Variants in AKAP6 observed in about 807,000 individuals in gnomAD.
AKAP6 encodes the protein A-kinase anchor protein 6.
AKAP6 carries 58 observed loss-of-function variants against 188.5 expected under a neutral mutation model. That is an observed-to-expected ratio of 0.31 (90% CI 0.25 to 0.38). The LOEUF is 0.38. AKAP6 is among the 10% of genes least tolerant of loss of function. The probability of loss-of-function intolerance (pLI) is 1.00; values close to 1 mark genes in which losing one functional copy is unlikely to be tolerated. For missense variants in AKAP6, 2,710 were observed against 2,740.0 expected (o/e 0.99, Z 0.24); for synonymous variants, 989 against 998.6 (o/e 0.99, Z 0.18).
chr14:32,386,093 A>G (rs1888529476), intron 1 of AKAP6, among the ~76,000 whole-genome samples: 1 of 151,650 alleles, frequency 6.6e-6, no homozygotes, highest in African/African-American at 2.4e-5. Flanking sequence ...TTTTCATATA[A>G]AGACTTCTTT....
chr14:32,377,504 C>T (rs557447973), intron 1 of AKAP6, among the ~76,000 whole-genome samples: 4 of 151,850 alleles, frequency 2.6e-5, no homozygotes, highest in South Asian at 2.1e-4. Context: ...CATATATGTA[C>T]GTGCATGAGA....
intron 8 of AKAP6, among the ~76,000 whole-genome samples, chr14:32,683,320 T>A (rs1889776178): frequency 6.6e-6 from 1 of 151,982 alleles, no homozygotes; most frequent in Non-Finnish European, 1.5e-5. Context: ...AATGCTGAAG[T>A]TTGAGAAGCA....
intron 12 of AKAP6, among the ~76,000 whole-genome samples, chr14:32,782,954 A>G (rs1168970603): frequency 6.6e-6 from 1 of 152,132 alleles, no homozygotes; most frequent in African/African-American, 2.4e-5. Context: ...ACCCAAAGCA[A>G]CTTTGAGAAA....
chr14:32,357,838 G>T (rs535473893), intron 1 of AKAP6, among the ~76,000 whole-genome samples: 2 of 152,172 alleles, frequency 1.3e-5, no homozygotes, highest in African/African-American at 4.8e-5. Context: ...TAGTAGTGGC[G>T]CCCGTGTGTA....
intron 4 of AKAP6, among the ~76,000 whole-genome samples, chr14:32,570,274 G>T (rs1884418345): frequency 6.6e-6 from 1 of 151,008 alleles, no homozygotes. Context: ...GGGATTATAG[G>T]CACATGCCAC....
intron 4 of AKAP6, among the ~76,000 whole-genome samples, chr14:32,569,431 C>T (rs1031881727): frequency 5.9e-5 from 9 of 152,140 alleles, no homozygotes; most frequent in African/African-American, 2.2e-4. Flanking sequence ...ATTACTCGTA[C>T]TGTGTTGGAT....
intron 2 of AKAP6, among the ~76,000 whole-genome samples, chr14:32,518,280 G>A (rs1457301021): frequency 2.6e-5 from 4 of 152,160 alleles, no homozygotes; most frequent in East Asian, 1.9e-4. Context: ...AAAAATCAGA[G>A]CACCTCTTTT....
intron 5 of AKAP6, among the ~76,000 whole-genome samples, chr14:32,579,894 T>A (rs1241577904): frequency 6.6e-6 from 1 of 152,120 alleles, no homozygotes; most frequent in Admixed American, 6.5e-5. Context: ...TGCAAGATTA[T>A]CCAGTAGTAG....
At chr14:32,716,914 G>A (rs1001802676) in intron 9 of AKAP6, among the ~76,000 whole-genome samples, 1 of 151,956 alleles carries the variant, frequency 6.6e-6, no homozygotes, top group Non-Finnish European at 1.5e-5. Flanking sequence ...TCTTATTAAT[G>A]GTGTATTTTA....
At position 32,424,516 on chromosome 14, in the gene AKAP6, T is replaced by G. The variant is rs185631064; in HGVS notation, c.-34-8944T>G. The stretch of plus-strand genomic sequence containing the variant: ...GTTTTGTTTATTTTTAACTTTTATT[T>G]TAAGTTCAGGGGTACAAGTGCAGGT... On this transcript the variant is annotated intron_variant, in intron 1 of 13. Coordinates refer to ENST00000280979, the MANE Select transcript of AKAP6 (RefSeq NM_004274.5). Among the ~76,000 whole-genome samples the G allele has an allele frequency of 5.9e-5, 9 of 152,280 alleles. No homozygotes were observed. The East Asian group carries it at 1.7e-3, about 29-fold the overall frequency.
At chr14:32,666,612 T>A (rs1888948355) in intron 7 of AKAP6, among the ~76,000 whole-genome samples, 2 of 152,108 alleles carry the variant, frequency 1.3e-5, no homozygotes, top group Non-Finnish European at 2.9e-5. Context: ...TCCAGGGGTA[T>A]ATCATTCTTG....
chr14:32,484,522 T>C lies in AKAP6; in HGVS notation c.324+50705T>C, dbSNP rs796722371. On this transcript the variant is annotated intron_variant, in intron 2 of 13. Coordinates refer to ENST00000280979, the MANE Select transcript of AKAP6 (RefSeq NM_004274.5). ...AGCTTATGTTGTTTATGCGGGGGAATGCCATATCGGGGGCACCGATTTTTA... is the reference window on the plus strand; with the variant it reads ...AGCTTATGTTGTTTATGCGGGGGAACGCCATATCGGGGGCACCGATTTTTA... 3 of 200,650 alleles carry C rather than the reference T, an allele frequency of 1.5e-5. 1 individual carries two copies. Among genetic ancestry groups the C allele is most frequent in the Non-Finnish European group, 2.2e-5 (3 of 138,834 alleles). 12.4% of individuals were successfully genotyped at this position (200,650 alleles called of 1,614,324 possible). A position where few individuals can be genotyped will look rare whatever the true frequency, so the allele number is the denominator to read the frequency against.
chr14:32,346,055 A>G (rs937141781), intron 1 of AKAP6, among the ~76,000 whole-genome samples: 10 of 152,220 alleles, frequency 6.6e-5, no homozygotes, highest in African/African-American at 1.7e-4. Flanking sequence ...TAATATTTTC[A>G]TCACACCCCA....
In AKAP6 at chr14:32,829,870, G is replaced by A. The variant is rs748448827; in HGVS notation, c.*65G>A. On this transcript the variant is annotated 3_prime_UTR_variant, in exon 14 of 14. Coordinates refer to ENST00000280979, the MANE Select transcript of AKAP6 (RefSeq NM_004274.5). ...TAGATACGCCTGGCTGCAACTCAGG[G>A]GTGGCCTCATCCTCCCGCCCTGGGC... The A allele has an allele frequency of 2.8e-5, 20 of 702,102 alleles. No individual in the cohort carries two copies. The South Asian group carries it at 3.0e-4, about 10-fold the overall frequency. The allele number at this position is 702,102 out of a possible 1,614,324, so 43.5% of individuals were successfully genotyped here. A position where few individuals can be genotyped will look rare whatever the true frequency, so the allele number is the denominator to read the frequency against.
At chr14:32,396,187 G>A (rs1888872520) in intron 1 of AKAP6, among the ~76,000 whole-genome samples, 1 of 152,142 alleles carries the variant, frequency 6.6e-6, no homozygotes, top group African/African-American at 2.4e-5. Context: ...ACTTACTTGA[G>A]TTTGCTTGTG....
chr14:32,639,841 A>T (rs2139485787), intron 7 of AKAP6, among the ~76,000 whole-genome samples: 1 of 152,208 alleles, frequency 6.6e-6, no homozygotes, highest in African/African-American at 2.4e-5. Flanking sequence ...AGTGATTATG[A>T]AACTGGAGAA....
chr14:32,353,716 C>A (rs1887376928), intron 1 of AKAP6, among the ~76,000 whole-genome samples: 2 of 152,164 alleles, frequency 1.3e-5, no homozygotes, highest in South Asian at 4.1e-4. Context: ...ACCCCATCAT[C>A]TCAGCCCAAA....
At chr14:32,478,986 A>C (rs1294111134) in intron 2 of AKAP6, among the ~76,000 whole-genome samples, 1 of 152,102 alleles carries the variant, frequency 6.6e-6, no homozygotes, top group Non-Finnish European at 1.5e-5. Flanking sequence ...AGGAGATGAG[A>C]ATTTGACATG....
chr14:32,718,248 T>A (rs1217856994), intron 9 of AKAP6: 1 of 982,980 alleles, frequency 1.0e-6, no homozygotes, highest in African/African-American at 1.7e-5. Flanking sequence ...GGGCTTGCCA[T>A]AGGAGAACAG....
Sources: allele counts gnomAD v4.1 joint callset (sites outside exome capture counted in the v4.1 genomes callset), GRCh38; gene constraint gnomAD v4.1.1; transcripts MANE v1.5; gene names NCBI Gene and HGNC (gene_info 2026-07-23, HGNC 2026-07-21).